IGSF6: variants seen among roughly 807,000 people sequenced by gnomAD.
IGSF6 encodes the protein down-regulated by activation (immunoglobulin superfamily).
A neutral mutation model predicts 24.7 loss-of-function variants in IGSF6; 23 were observed. The observed-to-expected ratio is 0.93, with a 90% CI of 0.67 to 1.32. The LOEUF (loss-of-function observed/expected upper bound fraction) is 1.32. Ranked by LOEUF, IGSF6 falls within the 40% of genes most tolerant of loss-of-function variation. The pLI is 0.00. For missense variants in IGSF6, 295 were observed against 293.6 expected, an observed-to-expected ratio of 1.00 and a Z score of -0.04; for synonymous variants, 110 against 113.7, an observed-to-expected ratio of 0.97 and a Z score of 0.21.
chr16:21,648,263 G>T (rs563800749), intron 1 of IGSF6, among the ~76,000 whole-genome samples: 1 of 152,258 alleles, frequency 6.6e-6, no homozygotes, highest in African/African-American at 2.4e-5. Flanking sequence ...ACAGACTTGA[G>T]TTCAAATCCT....
chr16:21,652,504 TGAA>T lies in IGSF6; in HGVS notation c.67+25_67+27del, dbSNP rs773112804. ...AAAATAGCAGTTGATTTAAATAAAA[TGAA>T]GGAGGAGAAGAAAAAGAACCTTACC... On this transcript the variant is annotated intron_variant, in intron 1 of 5. Transcript: ENST00000268389. 6 of 1,567,740 alleles carry T rather than the reference TGAA, an allele frequency of 3.8e-6. No individual in the cohort carries two copies. The Admixed American group carries it at 8.7e-5, about 23-fold the overall frequency.
chr16:21,643,005 T>A (rs1567344012), intron 5 of IGSF6, 69 bp downstream of exon 5: 27 of 1,006,664 alleles, frequency 2.7e-5, no homozygotes, highest in Non-Finnish European at 4.0e-5. Context: ...GACAGCTCCT[T>A]GGCAGCTTAG....
At position 21,650,508 on chromosome 16, in the gene IGSF6, CAA is replaced by C. The variant is rs3046229; in HGVS notation, c.67+2022_67+2023del. On this transcript the variant is annotated intron_variant, in intron 1 of 5. Coordinates refer to ENST00000268389, the MANE Select transcript of IGSF6 (RefSeq NM_005849.4). ...GGGTGACAGAGTGAGACTCTTGTCTCAAAAAAAAAAAAAAAAAAAATAGAGGT... is the reference window on the plus strand; with the variant it reads ...GGGTGACAGAGTGAGACTCTTGTCTCAAAAAAAAAAAAAAAAAATAGAGGT... 0.011 allele frequency among the ~76,000 whole-genome samples: 965 copies of C among 89,950 alleles called. 27 individuals carry two copies. In the East Asian group the frequency reaches 0.11, roughly 10 times the overall value. 59.0% of individuals were successfully genotyped at this position (89,950 alleles called of 152,430 possible).
intron 5 of IGSF6, 45 bp from the exon 6 acceptor site, chr16:21,641,638 C>G: frequency 8.0e-7 from 1 of 1,243,902 alleles, no homozygotes; most frequent in Non-Finnish European, 1.2e-6. Flanking sequence ...GGTTATGTAA[C>G]CAATGAAGCC....
intron 1 of IGSF6, among the ~76,000 whole-genome samples, chr16:21,650,606 T>C (rs1262211564): frequency 6.6e-6 from 1 of 152,024 alleles, no homozygotes; most frequent in African/African-American, 2.4e-5. Flanking sequence ...AAAACAGGTA[T>C]TTGTAACTTT....
Position 21,647,123 on chromosome 16 carries a change from G to C in IGSF6, c.427+10C>G, listed in dbSNP as rs140742307. 1.2e-5 allele frequency: 19 copies of C among 1,614,102 alleles called. No individual in the cohort carries two copies. In the African/African-American group the frequency reaches 1.7e-4, roughly 15 times the overall value. On this transcript the variant is annotated intron_variant, in intron 2 of 5. Coordinates refer to ENST00000268389, the MANE Select transcript of IGSF6 (RefSeq NM_005849.4). ...CAATGATGCACTGAAATAAAGCCTC[G>C]CTGACTGACCTCTTACCACCAGTGT...
chr16:21,647,459 T>A lies in IGSF6; in HGVS notation c.101A>T (p.Gln34Leu). The A allele has an allele frequency of 6.2e-7, 1 of 1,613,964 alleles. No homozygotes were observed. Among genetic ancestry groups the A allele is most frequent in the Non-Finnish European group, 8.5e-7 (1 of 1,179,918 alleles). ...GTAGTCCACTTCTAGGTACCACGGT[T>A]GTGTGACAGAGAGAGTACAGGCGCC... ...AVGACTLSVT[Q>L]PWYLEVDYTH... Residue 34 changes from glutamine (Q) to leucine (L), a missense_variant, in exon 2 of 6, where the codon CAA (glutamine) becomes CTA (leucine). Gln to Leu is a moderately radical substitution (Grantham distance 113). Transcript: ENST00000268389.
chr16:21,643,260 T>C (rs1742683100), intron 4 of IGSF6, 106 bp from the exon 5 acceptor site: 2 of 794,330 alleles, frequency 2.5e-6, no homozygotes, highest in Non-Finnish European at 4.3e-6. Flanking sequence ...TCCCAAAAAC[T>C]ACCCCCTCCC....
At chr16:21,647,898 T>C (rs535748224) in intron 1 of IGSF6, among the ~76,000 whole-genome samples, 1 of 152,306 alleles carries the variant, frequency 6.6e-6, no homozygotes, top group South Asian at 2.1e-4. Context: ...CCCAGAGTGC[T>C]GTGTTCAGTG....
chr16:21,647,530 C>T (rs780366783), intron 1 of IGSF6, 38 bp from the exon 2 acceptor site: 304 of 1,571,136 alleles, frequency 1.9e-4, no homozygotes, highest in Non-Finnish European at 2.5e-4. Context: ...AATGGGCCTG[C>T]CACCTCACTT....
chr16:21,651,592 C>T (rs971932730), intron 1 of IGSF6, among the ~76,000 whole-genome samples: 5 of 152,086 alleles, frequency 3.3e-5, no homozygotes, highest in Non-Finnish European at 7.4e-5. Context: ...TGAACCACCA[C>T]GCCCAGCCCA....
Position 21,640,679 on chromosome 16 carries a change from A to C in IGSF6, c.*855T>G, listed in dbSNP as rs895837969. ...CTACTTGGGAAACTGAGGCAGAAGA[A>C]TGGCATGAACCCGGGAGGTGGAGGT... On this transcript the variant is annotated 3_prime_UTR_variant, in exon 6 of 6. Transcript: ENST00000268389. 2.0e-5 allele frequency: 3 copies of C among 150,264 alleles called. No individual in the cohort carries two copies. The highest frequency in any genetic ancestry group is 4.4e-5 in the Non-Finnish European group (3 of 67,762). 9.3% of individuals were successfully genotyped at this position (150,264 alleles called of 1,614,324 possible).
At chr16:21,642,825 C>T (rs759739750) in intron 5 of IGSF6, among the ~76,000 whole-genome samples, 6 of 152,132 alleles carry the variant, frequency 3.9e-5, no homozygotes, top group Non-Finnish European at 7.4e-5. Context: ...AAACATTGCT[C>T]GTGTCTAATG....
In IGSF6 at chr16:21,641,679, C is replaced by T. The variant is rs1255273650; in HGVS notation, c.667-86G>A. ...CCAAGGAACATGCAAACCACTGGGCCATCTTGGATTCTGGGTCCTAAGTGT... is the reference window on the plus strand; with the variant it reads ...CCAAGGAACATGCAAACCACTGGGCTATCTTGGATTCTGGGTCCTAAGTGT... On this transcript the variant is annotated intron_variant, in intron 5 of 5. Transcript: ENST00000268389. 3 of 731,970 alleles carry T rather than the reference C, an allele frequency of 4.1e-6. No individual in the cohort carries two copies. In the African/African-American group the frequency reaches 5.5e-5, roughly 13 times the overall value. 45.3% of individuals were successfully genotyped at this position (731,970 alleles called of 1,614,324 possible). A position where few individuals can be genotyped will look rare whatever the true frequency, so the allele number is the denominator to read the frequency against.
At chr16:21,644,918 G>A (rs554454917) in intron 2 of IGSF6, among the ~76,000 whole-genome samples, 2 of 152,312 alleles carry the variant, frequency 1.3e-5, no homozygotes, top group South Asian at 2.1e-4. Context: ...TGCTCACTGC[G>A]TGCTTGAAAG....
intron 1 of IGSF6, among the ~76,000 whole-genome samples, chr16:21,648,612 C>T (rs1966488173): frequency 6.6e-6 from 1 of 152,192 alleles, no homozygotes; most frequent in South Asian, 2.1e-4. Flanking sequence ...CCACCTTGGC[C>T]TTTATATCCC....
chr16:21,650,083 G>A (rs1450268322), intron 1 of IGSF6, among the ~76,000 whole-genome samples: 1 of 152,162 alleles, frequency 6.6e-6, no homozygotes, highest in African/African-American at 2.4e-5. Context: ...AGGAATTCCA[G>A]GCTGCAGTGA....
rs747338025 is a variant in IGSF6, at chr16:21,643,074, A to G, written c.666T>C (p.Ser222=). 1 of 1,595,232 alleles carries G rather than the reference A, an allele frequency of 6.3e-7. No individual in the cohort carries two copies. Among genetic ancestry groups the G allele is most frequent in the Non-Finnish European group, 8.6e-7 (1 of 1,166,238 alleles). ...TTTTTTTTTGACATTTTACACTTACAGATTGCTGATTTGTTTCCACATGTC... is the reference window on the plus strand; with the variant it reads ...TTTTTTTTTGACATTTTACACTTACGGATTGCTGATTTGTTTCCACATGTC... ...HKRHVETNQQ[S]EKDNNTYENR... Residue 222 remains serine, a splice_region_variant and synonymous_variant, in exon 5 of 6, where the codon TCT becomes TCC. Coordinates refer to ENST00000268389, the MANE Select transcript of IGSF6 (RefSeq NM_005849.4).
At chr16:21,649,722 T>G (rs1312290577) in intron 1 of IGSF6, among the ~76,000 whole-genome samples, 2 of 152,196 alleles carry the variant, frequency 1.3e-5, no homozygotes, top group East Asian at 3.8e-4. Flanking sequence ...TTTTTATTTT[T>G]GAGATAGGGT....
Sources: allele counts gnomAD v4.1 joint callset (sites outside exome capture counted in the v4.1 genomes callset), GRCh38; gene constraint gnomAD v4.1.1; transcripts MANE v1.5; gene names NCBI Gene and HGNC (gene_info 2026-07-23, HGNC 2026-07-21).